The following NDRG4 variants were observed in gnomAD, a reference collection of about 807,000 sequenced individuals.
NDRG4 encodes the protein NDRG family member 4.
A neutral mutation model predicts 55.8 loss-of-function variants in NDRG4; 38 were observed. That is an observed-to-expected ratio of 0.68 (90% CI 0.53 to 0.89). NDRG4 has a LOEUF of 0.89. NDRG4 is among the 40% of genes least tolerant of loss of function. NDRG4 has a pLI of 0.00. For synonymous variants in NDRG4, 190 were observed against 182.7 expected (o/e 1.04, Z -0.32); for missense variants, 455 against 468.6 (o/e 0.97, Z 0.27).
At chr16:58,473,030 T>C (rs955415918) in intron 1 of NDRG4, among the ~76,000 whole-genome samples, 1 of 152,194 alleles carries the variant, frequency 6.6e-6, no homozygotes, top group East Asian at 1.9e-4. Context: ...TGACCTCATC[T>C]AGTCTCTCTA....
chr16:58,501,040 G>C (rs546682931), intron 1 of NDRG4: 1 of 1,241,942 alleles, frequency 8.1e-7, no homozygotes, highest in Non-Finnish European at 1.0e-6. Context: ...GGGGACCCCA[G>C]GTGGAGCCCA....
At chr16:58,469,490 G>A (rs1487614327) in intron 1 of NDRG4, among the ~76,000 whole-genome samples, 1 of 152,128 alleles carries the variant, frequency 6.6e-6, no homozygotes, top group East Asian at 1.9e-4. Context: ...TGACTCAGCA[G>A]TTGAATTTTT....
At chr16:58,469,041 A>C (rs1277301394) in intron 1 of NDRG4, among the ~76,000 whole-genome samples, 1 of 152,208 alleles carries the variant, frequency 6.6e-6, no homozygotes, top group East Asian at 1.9e-4. Context: ...TTAAAAATAT[A>C]CTTGATGTGT....
At chr16:58,469,587 C>T (rs1363245655) in intron 1 of NDRG4, among the ~76,000 whole-genome samples, 1 of 151,954 alleles carries the variant, frequency 6.6e-6, no homozygotes, top group African/African-American at 2.4e-5. Context: ...CAAAAAAAAC[C>T]CAAAAAACTG....
chr16:58,505,405 T>C (rs2151812696), intron 5 of NDRG4, among the ~76,000 whole-genome samples: 1 of 140,970 alleles, frequency 7.1e-6, no homozygotes, highest in African/African-American at 2.6e-5. Context: ...AAGCTTTTCA[T>C]CTCTAAAAAC....
chr16:58,510,782 GT>G (rs1425193718), intron 14 of NDRG4, 99 bp downstream of exon 14: 88 of 1,165,718 alleles, frequency 7.5e-5, no homozygotes, highest in Non-Finnish European at 1.0e-4. Flanking sequence ...GCATCTTGCT[GT>G]GGTTTGGAAC....
At position 58,464,503 on chromosome 16, in the gene NDRG4, T is replaced by A. The variant is rs1006255489; in HGVS notation, c.-24+706T>A. The A allele has an allele frequency of 4.6e-6, 6 of 1,303,720 alleles. No homozygotes were observed. The African/African-American group carries it at 7.7e-5, about 17-fold the overall frequency. The allele number at this position is 1,303,720 out of a possible 1,614,324, so 80.8% of individuals were successfully genotyped here. On this transcript the variant is annotated intron_variant, in intron 1 of 15. Coordinates refer to the NDRG4 transcript ENST00000258187. The surrounding 1 kb of genome is among the most constrained non-coding windows in gnomAD (Gnocchi z 4.8). ...CCTGCCCCGCAGCCGGCCGCCACTT[T>A]CCGAGTTGGAGCGGACTCCGGGCGC...
downstream of NDRG4, among the ~76,000 whole-genome samples, chr16:58,513,850 C>G (rs542466472): frequency 2.6e-5 from 4 of 152,106 alleles, no homozygotes; most frequent in African/African-American, 7.2e-5. Flanking sequence ...ACCAGCTACT[C>G]GGGAGGCTGA....
intron 2 of NDRG4, among the ~76,000 whole-genome samples, chr16:58,489,379 CG>C (rs890668281): frequency 3.3e-5 from 5 of 151,914 alleles, no homozygotes; most frequent in Non-Finnish European, 5.9e-5. Flanking sequence ...CCAGCTCCCC[CG>C]CCTGTTCCCA....
chr16:58,505,708 A>C (rs1438005687), intron 5 of NDRG4, among the ~76,000 whole-genome samples: 3 of 70,626 alleles, frequency 4.2e-5, no homozygotes, highest in Non-Finnish European at 8.1e-5. Context: ...TGAGGGCTTC[A>C]TTTTCTTTTT....
chr16:58,483,090 A>G (rs2034662183), intron 1 of NDRG4, among the ~76,000 whole-genome samples: 1 of 151,928 alleles, frequency 6.6e-6, no homozygotes, highest in Non-Finnish European at 1.5e-5. Flanking sequence ...CCAGCCCCCC[A>G]GTGTATTTTC....
chr16:58,503,513 C>T (rs1262964603), intron 1 of NDRG4, among the ~76,000 whole-genome samples: 5 of 152,148 alleles, frequency 3.3e-5, no homozygotes, highest in African/African-American at 1.2e-4. Context: ...CCTGGACCCT[C>T]AAGGGCGGAG....
intron 11 of NDRG4, 62 bp downstream of exon 11, chr16:58,509,071 T>C: frequency 6.2e-7 from 1 of 1,613,462 alleles, no homozygotes; most frequent in Non-Finnish European, 8.5e-7. Flanking sequence ...CTCAGGGAGG[T>C]GTTTTCCTGG....
chr16:58,503,746 G>A (rs1309304740), intron 1 of NDRG4, 52 bp from the exon 2 acceptor site: 14 of 1,610,354 alleles, frequency 8.7e-6, no homozygotes, highest in East Asian at 6.7e-5. Flanking sequence ...TTCCCCAGAG[G>A]AGCCAAGAGC....
intron 8 of NDRG4, chr16:58,507,416 G>T: frequency 2.8e-6 from 1 of 351,324 alleles, no homozygotes; most frequent in Non-Finnish European, 5.2e-6. Flanking sequence ...CAGGAAGGTG[G>T]CCAGGCCCCC....
chr16:58,504,707 G>C (rs368334506), intron 5 of NDRG4, 58 bp downstream of exon 5: 21 of 1,595,226 alleles, frequency 1.3e-5, no homozygotes, highest in Non-Finnish European at 1.7e-5. Flanking sequence ...GGATGTCCCA[G>C]TGGTGGGGAC....
intron 1 of NDRG4, among the ~76,000 whole-genome samples, chr16:58,470,558 G>A (rs971230497): frequency 1.3e-5 from 2 of 152,210 alleles, no homozygotes; most frequent in Admixed American, 6.5e-5. Context: ...TTGAGTTGGA[G>A]CTGTTTTGCA....
Position 58,489,211 on chromosome 16 carries a change from A to G in NDRG4, c.72+1361A>G, listed in dbSNP as rs191140407. On this transcript the variant is annotated intron_variant, in intron 2 of 15. Transcript: ENST00000258187. The stretch of plus-strand genomic sequence containing the variant: ...GCTACTCAGGAGGCAGAATCGCTTG[A>G]ACCCGGGAGGTTCAACCCCAAGACT... Among the ~76,000 whole-genome samples the G allele has an allele frequency of 9.9e-5, 15 of 152,060 alleles. No individual in the cohort carries two copies. The East Asian group carries it at 2.9e-3, about 30-fold the overall frequency.
At chr16:58,490,738 A>G (rs1479871978) in intron 2 of NDRG4, among the ~76,000 whole-genome samples, 3 of 152,212 alleles carry the variant, frequency 2.0e-5, no homozygotes, top group African/African-American at 7.2e-5. Context: ...GCACTTTGGG[A>G]GCCCAAGGTG....
Sources: gnomAD v4.1 joint callset for allele counts (sites outside exome capture counted in the v4.1 genomes callset) on GRCh38, gnomAD v4.1.1 for gene constraint, Gnocchi (gnomAD v3.1) non-coding constraint, MANE v1.5 for transcripts, NCBI Gene and HGNC (gene_info 2026-07-23, HGNC 2026-07-21) for gene names.